The following TMC7 variants were observed in gnomAD, a reference collection of about 807,000 sequenced individuals.
TMC7 encodes the protein transmembrane channel like 7.
A neutral mutation model predicts 82.9 loss-of-function variants in TMC7; 54 were observed. That is an observed-to-expected ratio of 0.65 (90% CI 0.52 to 0.82). The LOEUF is 0.82. Ranked by LOEUF, TMC7 falls within the 40% of genes least tolerant of loss-of-function variation. The pLI is 0.00. For synonymous variants in TMC7, 350 were observed against 337.9 expected (o/e 1.04, Z -0.39); for missense variants, 820 against 901.2 (o/e 0.91, Z 1.15).
intron 13 of TMC7, among the ~76,000 whole-genome samples, chr16:19,054,300 C>T (rs1961668915): frequency 6.6e-6 from 1 of 152,152 alleles, no homozygotes; most frequent in Non-Finnish European, 1.5e-5. Context: ...TGCCCTTCAA[C>T]TGGATGTCCC....
intron 5 of TMC7, among the ~76,000 whole-genome samples, chr16:19,025,879 C>T (rs1395474655): frequency 6.6e-6 from 1 of 151,774 alleles, no homozygotes; most frequent in Non-Finnish European, 1.5e-5. Context: ...CTCAAGCCTC[C>T]GAAGTAGCTG....
At chr16:18,985,270 G>T (rs76332399) in intron 1 of TMC7, among the ~76,000 whole-genome samples, 5,139 of 140,390 alleles carry the variant, frequency 0.037, 282 homozygotes, top group African/African-American at 0.12. Flanking sequence ...AAAAAAAAAA[G>T]AAACCAAGGA....
intron 3 of TMC7, among the ~76,000 whole-genome samples, chr16:19,018,753 T>G (rs1253910617): frequency 1.3e-5 from 2 of 151,986 alleles, no homozygotes; most frequent in African/African-American, 4.8e-5. Flanking sequence ...CTGGGTAACA[T>G]AGTAAGATCC....
Position 18,983,985 on chromosome 16 carries a change from G to A in TMC7, c.-79G>A. Reference sequence around the variant, plus strand: ...GGAACCTGGAATCCCGGCTCCGCGAGGGAAGGCCGGGGAGGCGGCGGCGGC... The same window carrying A: ...GGAACCTGGAATCCCGGCTCCGCGAAGGAAGGCCGGGGAGGCGGCGGCGGC... On this transcript the variant is annotated 5_prime_UTR_variant, in exon 1 of 16. Coordinates refer to ENST00000304381, the MANE Select transcript of TMC7 (RefSeq NM_024847.4). The A allele has an allele frequency of 1.3e-5, 17 of 1,322,528 alleles. No individual in the cohort carries two copies. The highest frequency in any genetic ancestry group is 1.4e-5 in the Non-Finnish European group (14 of 1,033,784). The allele number at this position is 1,322,528 out of a possible 1,614,324, so 81.9% of individuals were successfully genotyped here.
At chr16:19,044,598 G>A (rs12933309) in intron 9 of TMC7, among the ~76,000 whole-genome samples, 3 of 151,590 alleles carry the variant, frequency 2.0e-5, no homozygotes, top group Non-Finnish European at 4.4e-5. Flanking sequence ...CCAGGAGTTC[G>A]AGACCACCTG....
chr16:19,050,953 C>A (rs767783668), intron 12 of TMC7, among the ~76,000 whole-genome samples: 1 of 151,706 alleles, frequency 6.6e-6, no homozygotes, highest in Non-Finnish European at 1.5e-5. Flanking sequence ...ATGGCATGAT[C>A]ATAGCTCACT....
intron 5 of TMC7, among the ~76,000 whole-genome samples, chr16:19,028,647 A>AATT (rs368148992): frequency 0.014 from 2,186 of 151,142 alleles, 53 homozygotes; most frequent in African/African-American, 0.047. Flanking sequence ...GAGCTTCTTT[A>AATT]ATTATTATTA....
chr16:19,025,498 A>G (rs945595144), intron 5 of TMC7, among the ~76,000 whole-genome samples: 4 of 152,008 alleles, frequency 2.6e-5, no homozygotes, highest in African/African-American at 9.7e-5. Flanking sequence ...GGGTGCCTGT[A>G]ATCCCAGCTA....
At chr16:19,034,288 C>G (rs1380907855) in intron 6 of TMC7, among the ~76,000 whole-genome samples, 1 of 152,072 alleles carries the variant, frequency 6.6e-6, no homozygotes, top group Non-Finnish European at 1.5e-5. Flanking sequence ...AAGTTAGTGT[C>G]ATTCCTGTGA....
Position 19,021,806 on chromosome 16 carries a change from A to C in TMC7, c.628+10A>C, listed in dbSNP as rs763412912. The C allele has an allele frequency of 6.2e-7, 1 of 1,613,454 alleles. No homozygotes were observed. The highest frequency in any genetic ancestry group is 8.5e-7 in the Non-Finnish European group (1 of 1,179,670). ...CCTTTCAAAGACATGGGTGAGTGTA[A>C]GGCCTGGTTTACTACGAAGTGTGTT... On this transcript the variant is annotated intron_variant, in intron 4 of 15. Coordinates refer to ENST00000304381, the MANE Select transcript of TMC7 (RefSeq NM_024847.4).
At chr16:19,015,073 C>T (rs1959612765) in intron 2 of TMC7, among the ~76,000 whole-genome samples, 1 of 151,736 alleles carries the variant, frequency 6.6e-6, no homozygotes, top group African/African-American at 2.4e-5. Flanking sequence ...AAGCGATTCT[C>T]CTGCCTCAGC....
intron 2 of TMC7, among the ~76,000 whole-genome samples, chr16:19,012,428 A>C (rs1280554819): frequency 1.3e-5 from 2 of 152,162 alleles, no homozygotes; most frequent in Non-Finnish European, 2.9e-5. Context: ...CTCACTGGAA[A>C]AATGAAACTA....
Position 19,062,822 on chromosome 16 carries a change from T to C in TMC7, c.*979T>C, listed in dbSNP as rs540489782. On this transcript the variant is annotated 3_prime_UTR_variant, in exon 16 of 16. Coordinates refer to ENST00000304381, the MANE Select transcript of TMC7 (RefSeq NM_024847.4). ...TCTTTTTCAAAGGACTGTAGTTTTG[T>C]AATGGACTTTTCAAGCCTTCCTTCC... 1 of 152,720 alleles carries C rather than the reference T, an allele frequency of 6.5e-6. No individual in the cohort carries two copies. The highest frequency in any genetic ancestry group is 1.5e-5 in the Non-Finnish European group (1 of 68,018). The allele number at this position is 152,720 out of a possible 1,614,324, so 9.5% of individuals were successfully genotyped here.
chr16:19,004,467 C>G (rs1197316131), intron 1 of TMC7, among the ~76,000 whole-genome samples: 1 of 152,042 alleles, frequency 6.6e-6, no homozygotes, highest in Non-Finnish European at 1.5e-5. Context: ...TGGCTTCAAG[C>G]AATTCTCCTG....
At chr16:19,011,108 C>T (rs1415575884) in intron 2 of TMC7, among the ~76,000 whole-genome samples, 2 of 152,070 alleles carry the variant, frequency 1.3e-5, no homozygotes, top group Non-Finnish European at 2.9e-5. Context: ...GGTTAAGAGC[C>T]AAGTCTGAAA....
intron 9 of TMC7, among the ~76,000 whole-genome samples, chr16:19,044,653 T>A (rs1961177069): frequency 1.3e-5 from 2 of 150,268 alleles, no homozygotes; most frequent in Non-Finnish European, 2.9e-5. Context: ...AGAAAAAAAA[T>A]TAGCTGGGTA....
At chr16:19,004,751 A>C (rs2039206086) in intron 1 of TMC7, among the ~76,000 whole-genome samples, 1 of 152,202 alleles carries the variant, frequency 6.6e-6, no homozygotes, top group Non-Finnish European at 1.5e-5. Context: ...TTGGGGTCTG[A>C]TAAACCTGTG....
chr16:19,052,821 T>G (rs1961597215), intron 13 of TMC7, among the ~76,000 whole-genome samples: 1 of 152,134 alleles, frequency 6.6e-6, no homozygotes, highest in African/African-American at 2.4e-5. Flanking sequence ...CAAGCAATTC[T>G]ATGGCCTCAG....
intron 1 of TMC7, among the ~76,000 whole-genome samples, chr16:19,008,658 T>C (rs1172483847): frequency 6.6e-6 from 1 of 152,160 alleles, no homozygotes; most frequent in African/African-American, 2.4e-5. Context: ...CCAGATCCCA[T>C]GAATATGTGT....
Sources: allele counts gnomAD v4.1 joint callset (sites outside exome capture counted in the v4.1 genomes callset), GRCh38; gene constraint gnomAD v4.1.1; transcripts MANE v1.5; gene names NCBI Gene and HGNC (gene_info 2026-07-23, HGNC 2026-07-21).